Variants in SMAD6 observed in about 807,000 individuals in gnomAD.
SMAD6 encodes the protein SMAD family member 6.
Under a neutral mutation model 39.4 loss-of-function variants are expected in SMAD6, and 103 were observed. The observed-to-expected ratio is 2.62, with a 90% confidence interval of 2.23 to 3.08. The LOEUF is 3.08. Ranked by LOEUF, SMAD6 falls within the 30% of genes most tolerant of loss-of-function variation. SMAD6 has a pLI of 0.00. For missense variants in SMAD6, 1,104 were observed against 742.9 expected (o/e 1.49, Z -5.65); for synonymous variants, 445 against 353.3 (o/e 1.26, Z -2.91).
At chr15:66,777,781 C>T (rs186134389) in intron 3 of SMAD6, among the ~76,000 whole-genome samples, 9 of 152,314 alleles carry the variant, frequency 5.9e-5, no homozygotes, top group Admixed American at 2.6e-4. Flanking sequence ...GAGACATGGC[C>T]AGGAGCGCAG....
chr15:66,730,612 T>C (rs1893610412), intron 3 of SMAD6, among the ~76,000 whole-genome samples: 1 of 71,194 alleles, frequency 1.4e-5, no homozygotes, highest in African/African-American at 5.0e-5. Flanking sequence ...TCATTACCCA[T>C]GAGTCAGTCC....
intron 3 of SMAD6, among the ~76,000 whole-genome samples, chr15:66,765,713 TGATG>T (rs1406701342): frequency 6.6e-6 from 1 of 152,180 alleles, no homozygotes; most frequent in Non-Finnish European, 1.5e-5. Flanking sequence ...GGCTTTATGA[TGATG>T]GGGGCATGCA....
intron 3 of SMAD6, among the ~76,000 whole-genome samples, chr15:66,765,295 C>G (rs11633706): frequency 0.41 from 61,814 of 151,884 alleles, 13,758 homozygotes; most frequent in Admixed American, 0.54. Flanking sequence ...CGCAATCTGG[C>G]TCACTGCAAC....
chr15:66,726,793 A>G (rs1893528713), intron 3 of SMAD6, among the ~76,000 whole-genome samples: 1 of 152,080 alleles, frequency 6.6e-6, no homozygotes, highest in Non-Finnish European at 1.5e-5. Flanking sequence ...CCCTCTTTGC[A>G]CATCAATCCT....
intron 3 of SMAD6, among the ~76,000 whole-genome samples, chr15:66,719,263 C>T (rs1266844523): frequency 6.6e-6 from 1 of 152,236 alleles, no homozygotes. Flanking sequence ...TATCCCTGTT[C>T]CCTTCCCCAA....
At chr15:66,725,747 C>T (rs1893510357) in intron 3 of SMAD6, among the ~76,000 whole-genome samples, 1 of 152,164 alleles carries the variant, frequency 6.6e-6, no homozygotes, top group Non-Finnish European at 1.5e-5. Flanking sequence ...AGGGGCTTTG[C>T]TGGGCAGATG....
At chr15:66,757,095 T>C (rs1175027961) in intron 3 of SMAD6, among the ~76,000 whole-genome samples, 2 of 152,174 alleles carry the variant, frequency 1.3e-5, no homozygotes, top group Non-Finnish European at 2.9e-5. Flanking sequence ...TCCCTGAGCC[T>C]CAGTTTCCCC....
chr15:66,734,130 G>T (rs1893674762), intron 3 of SMAD6, among the ~76,000 whole-genome samples: 1 of 152,256 alleles, frequency 6.6e-6, no homozygotes, highest in African/African-American at 2.4e-5. Flanking sequence ...AGTGCTTGCA[G>T]CCAGGAGGCC....
chr15:66,763,249 C>T (rs1449045174), intron 3 of SMAD6, among the ~76,000 whole-genome samples: 3 of 152,172 alleles, frequency 2.0e-5, no homozygotes, highest in African/African-American at 7.2e-5. Context: ...AGGTGCTCTG[C>T]ACTCCTCAGG....
intron 3 of SMAD6, among the ~76,000 whole-genome samples, chr15:66,750,327 C>G (rs1893981558): frequency 6.6e-6 from 1 of 152,148 alleles, no homozygotes; most frequent in South Asian, 2.1e-4. Flanking sequence ...ACTGGGGGTG[C>G]CTTGAGGACA....
At chr15:66,774,736 G>A (rs138756255) in intron 3 of SMAD6, among the ~76,000 whole-genome samples, 1 of 152,276 alleles carries the variant, frequency 6.6e-6, no homozygotes, top group Non-Finnish European at 1.5e-5. Context: ...AGTTCCCATG[G>A]TTCCAGTCAA....
At chr15:66,752,217 C>A (rs745404200) in intron 3 of SMAD6, among the ~76,000 whole-genome samples, 1 of 152,106 alleles carries the variant, frequency 6.6e-6, no homozygotes, top group Non-Finnish European at 1.5e-5. Flanking sequence ...TAGGTCAGGA[C>A]GGCTGAGGCC....
chr15:66,768,976 C>T (rs1894335600), intron 3 of SMAD6, among the ~76,000 whole-genome samples: 1 of 152,148 alleles, frequency 6.6e-6, no homozygotes, highest in African/African-American at 2.4e-5. Context: ...TTGAGTGTCA[C>T]AGAAGAGGGG....
chr15:66,729,578 C>T lies in SMAD6; in HGVS notation c.952+13080C>T, dbSNP rs540209771. On this transcript the variant is annotated intron_variant, in intron 3 of 3. Coordinates refer to ENST00000288840, the MANE Select transcript of SMAD6 (RefSeq NM_005585.5). Reference sequence around the variant, plus strand: ...AGGGTGACAGCGTGGTGTTTTCAGCCGGTTGGCTGGGCCCCAGGCGAGGGG... The same window carrying T: ...AGGGTGACAGCGTGGTGTTTTCAGCTGGTTGGCTGGGCCCCAGGCGAGGGG... Among the ~76,000 whole-genome samples, 120 of 152,238 alleles carry T rather than the reference C, an allele frequency of 7.9e-4. No homozygotes were observed. The South Asian group carries it at 0.01, about 13-fold the overall frequency.
chr15:66,781,022 C>A lies in SMAD6; in HGVS notation c.978C>A (p.Thr326=). ...ACGCCAGCATGTCTCCGGACGCCAC[C>A]AAGCCGAGCCACTGGTGCAGCGTGG... ...FSDASMSPDA[T]KPSHWCSVAY... Residue 326 remains threonine (T), a synonymous_variant, in exon 4 of 4, where the codon ACC becomes ACA. Coordinates refer to ENST00000288840, the MANE Select transcript of SMAD6 (RefSeq NM_005585.5). 2.5e-6 allele frequency: 4 copies of A among 1,586,140 alleles called. No homozygotes were observed. Among genetic ancestry groups the A allele is most frequent in the Admixed American group, 3.4e-5 (2 of 58,350 alleles).
At chr15:66,760,043 G>T (rs892500772) in intron 3 of SMAD6, among the ~76,000 whole-genome samples, 3 of 152,116 alleles carry the variant, frequency 2.0e-5, no homozygotes, top group African/African-American at 7.2e-5. Flanking sequence ...CTGCCCGTGT[G>T]CCTCTGCCCA....
Position 66,745,674 on chromosome 15 carries a change from C to T in SMAD6, c.952+29176C>T, listed in dbSNP as rs114929546. On this transcript the variant is annotated intron_variant, in intron 3 of 3. Coordinates refer to ENST00000288840, the MANE Select transcript of SMAD6 (RefSeq NM_005585.5). ...TGCTTGTGCAGGGTACGTGGCACAG[C>T]AGTGGCCTGGCATAAGACCCAGAGT... 1.2e-3 allele frequency among the ~76,000 whole-genome samples: 190 copies of T among 152,348 alleles called. 1 individual carries two copies. The highest frequency in any genetic ancestry group is 4.3e-3 in the African/African-American group (177 of 41,586).
At chr15:66,772,948 C>T (rs1000013143) in intron 3 of SMAD6, among the ~76,000 whole-genome samples, 4 of 152,224 alleles carry the variant, frequency 2.6e-5, no homozygotes, top group Admixed American at 2.6e-4. Flanking sequence ...AGTCTCCCTC[C>T]TCCTGGTTCT....
chr15:66,724,846 CG>C (rs34458172), intron 3 of SMAD6, among the ~76,000 whole-genome samples: 19,991 of 152,064 alleles, frequency 0.13, 1,534 homozygotes, highest in Admixed American at 0.25. Context: ...GGCAGGGTGT[CG>C]GGTGCCTGTC....
Sources: allele counts gnomAD v4.1 joint callset (sites outside exome capture counted in the v4.1 genomes callset), GRCh38; gene constraint gnomAD v4.1.1; transcripts MANE v1.5; gene names NCBI Gene and HGNC (gene_info 2026-07-23, HGNC 2026-07-21).